Variants in HYCC1 observed in about 807,000 individuals in gnomAD.
HYCC1 encodes the protein hyccin PI4KA lipid kinase complex subunit 1.
At chr7:22,969,877 T>C in the HYCC1 span, among the ~76,000 whole-genome samples, 1 of 151,912 alleles carries the variant, frequency 6.6e-6, no homozygotes, top group Admixed American at 6.6e-5. Context: ...ATAGGAAGAG[T>C]CCTAAAACTT....
At chr7:22,913,253 C>T in the HYCC1 span, among the ~76,000 whole-genome samples, 1 of 152,338 alleles carries the variant, frequency 6.6e-6, no homozygotes, top group East Asian at 1.9e-4. Context: ...GCAATTTATG[C>T]CCCAGGGCAT....
At chr7:22,973,955 A>G in the HYCC1 span, among the ~76,000 whole-genome samples, 1 of 152,146 alleles carries the variant, frequency 6.6e-6, no homozygotes, top group Non-Finnish European at 1.5e-5. Context: ...ACATCTATGG[A>G]GCTTCAAAAA....
the HYCC1 span, chr7:22,945,922 CTGAGTT>C: frequency 6.2e-7 from 1 of 1,613,888 alleles, no homozygotes; most frequent in Non-Finnish European, 8.5e-7. Flanking sequence ...TTTGGGCTCT[CTGAGTT>C]TGTTTTCGAG....
the HYCC1 span, among the ~76,000 whole-genome samples, chr7:22,990,431 T>C: frequency 2.0e-5 from 3 of 152,200 alleles, no homozygotes; most frequent in Non-Finnish European, 2.9e-5. Context: ...ATCAAACTGA[T>C]AGTTGCAGCC....
the HYCC1 span, among the ~76,000 whole-genome samples, chr7:22,947,615 T>C: frequency 1.3e-5 from 2 of 152,128 alleles, no homozygotes; most frequent in Non-Finnish European, 2.9e-5. Context: ...TAAGATAATA[T>C]GGTGACCACC....
chr7:23,006,677 G>A, the HYCC1 span, among the ~76,000 whole-genome samples: 26 of 152,148 alleles, frequency 1.7e-4, no homozygotes, highest in African/African-American at 4.8e-4. Flanking sequence ...AATCTTCATG[G>A]TACAGTTTAA....
chr7:22,915,113 G>A, the HYCC1 span, among the ~76,000 whole-genome samples: 3 of 152,060 alleles, frequency 2.0e-5, no homozygotes, highest in Non-Finnish European at 2.9e-5. Context: ...AGACCCAGAG[G>A]GGCCAGAAGG....
chr7:22,969,477 T>C, the HYCC1 span, among the ~76,000 whole-genome samples: 1 of 151,098 alleles, frequency 6.6e-6, no homozygotes, highest in African/African-American at 2.4e-5. Flanking sequence ...CTGAGGCCAG[T>C]TCCATGACTG....
the HYCC1 span, among the ~76,000 whole-genome samples, chr7:22,903,011 C>T: frequency 6.6e-6 from 1 of 152,064 alleles, no homozygotes; most frequent in Non-Finnish European, 1.5e-5. Flanking sequence ...ATCAAAACCA[C>T]AGTAAGATAC....
the HYCC1 span, chr7:22,977,400 G>T: frequency 6.3e-7 from 1 of 1,585,656 alleles, no homozygotes; most frequent in Non-Finnish European, 8.7e-7. Context: ...ACTTTGGTAT[G>T]TCCCTGTTTG....
the HYCC1 span, among the ~76,000 whole-genome samples, chr7:22,954,381 C>T: frequency 1.5e-4 from 22 of 150,900 alleles, no homozygotes; most frequent in African/African-American, 4.6e-4. Flanking sequence ...AAATGTTTTC[C>T]GATATGAATT....
At chr7:22,933,742 T>C in the HYCC1 span, among the ~76,000 whole-genome samples, 1 of 152,234 alleles carries the variant, frequency 6.6e-6, no homozygotes, top group Non-Finnish European at 1.5e-5. Context: ...TCTCATGAAA[T>C]TCTCCATCTT....
the HYCC1 span, among the ~76,000 whole-genome samples, chr7:22,917,208 G>C: frequency 2.8e-4 from 42 of 152,088 alleles, no homozygotes; most frequent in Non-Finnish European, 4.6e-4. Context: ...ACTTCCACCT[G>C]TCAATCTCTT....
the HYCC1 span, among the ~76,000 whole-genome samples, chr7:22,983,088 G>C: frequency 6.6e-6 from 1 of 152,006 alleles, no homozygotes; most frequent in Admixed American, 6.6e-5. Flanking sequence ...CAGCACTTTG[G>C]GAGGCTGAGG....
chr7:22,991,668 C>G, the HYCC1 span, among the ~76,000 whole-genome samples: 1 of 152,002 alleles, frequency 6.6e-6, no homozygotes, highest in Non-Finnish European at 1.5e-5. Flanking sequence ...TATTTGACAA[C>G]AGTGATGCAG....
chr7:22,991,785 T>G, the HYCC1 span, among the ~76,000 whole-genome samples: 1 of 152,154 alleles, frequency 6.6e-6, no homozygotes, highest in Non-Finnish European at 1.5e-5. Context: ...TATTTTTCTT[T>G]ACCTATCCAT....
the HYCC1 span, chr7:22,990,995 T>C: frequency 9.3e-7 from 1 of 1,072,250 alleles, no homozygotes; most frequent in Non-Finnish European, 1.4e-6. Context: ...CAAAAATCAC[T>C]GGAATTTAAA....
chr7:23,002,865 G>T, the HYCC1 span, among the ~76,000 whole-genome samples: 1 of 152,086 alleles, frequency 6.6e-6, no homozygotes, highest in African/African-American at 2.4e-5. Flanking sequence ...CAAGATTCAG[G>T]AGGGTTGGTT....
chr7:22,973,768 CCCTGG>C, the HYCC1 span, among the ~76,000 whole-genome samples: 1 of 152,068 alleles, frequency 6.6e-6, no homozygotes, highest in Non-Finnish European at 1.5e-5. Flanking sequence ...TTATTCAGTT[CCCTGG>C]TCAGGTAAAA....
Sources: allele counts gnomAD v4.1 joint callset (sites outside exome capture counted in the v4.1 genomes callset), GRCh38; gene constraint gnomAD v4.1.1; transcripts MANE v1.5; gene names NCBI Gene and HGNC (gene_info 2026-07-23, HGNC 2026-07-21).